The following RYR2 variants were observed in gnomAD, a reference collection of about 807,000 sequenced individuals.
RYR2 encodes the protein cardiac muscle ryanodine receptor-calcium release channel.
Under a neutral mutation model 601.1 loss-of-function variants are expected in RYR2, and 227 were observed. The ratio of observed to expected loss-of-function variants is 0.38; its 90% CI spans 0.34 to 0.42. The LOEUF (loss-of-function observed/expected upper bound fraction) is 0.42, where lower values mean the gene tolerates loss of function less well. Ranked by LOEUF, RYR2 falls within the 10% of genes least tolerant of loss-of-function variation. The pLI, the probability that RYR2 is intolerant of heterozygous loss-of-function variation, is 1.00. For synonymous variants in RYR2, 2,223 were observed against 2,175.1 expected, an observed-to-expected ratio of 1.02 and a Z score of -0.61; for missense variants, 4,646 against 6,156.5, an observed-to-expected ratio of 0.75 and a Z score of 8.21.
At chr1:237,231,398 C>T (rs575759679) in intron 1 of RYR2, among the ~76,000 whole-genome samples, 5 of 151,250 alleles carry the variant, frequency 3.3e-5, no homozygotes, top group South Asian at 2.1e-4. Context: ...TGGGCTTAAG[C>T]GATCCTCCTG....
chr1:237,505,342 A>G (rs1665107583), intron 22 of RYR2, among the ~76,000 whole-genome samples: 1 of 152,310 alleles, frequency 6.6e-6, no homozygotes, highest in East Asian at 1.9e-4. Context: ...GGTTGTTTAG[A>G]TATTCAAAGT....
At chr1:237,571,566 C>T (rs906141621) in intron 29 of RYR2, among the ~76,000 whole-genome samples, 1 of 152,078 alleles carries the variant, frequency 6.6e-6, no homozygotes, top group Non-Finnish European at 1.5e-5. Context: ...CCACCCGCCT[C>T]GGCCTCCCAA....
At chr1:237,354,238 G>A (rs766861907) in intron 3 of RYR2, among the ~76,000 whole-genome samples, 3 of 151,960 alleles carry the variant, frequency 2.0e-5, no homozygotes, top group Non-Finnish European at 4.4e-5. Context: ...TTGTAATATA[G>A]AACATTAAAG....
At chr1:237,419,419 G>A (rs1273004413) in intron 11 of RYR2, among the ~76,000 whole-genome samples, 1 of 152,098 alleles carries the variant, frequency 6.6e-6, no homozygotes, top group Non-Finnish European at 1.5e-5. Flanking sequence ...TCTGAATTAA[G>A]TAGTCTTGAT....
At chr1:237,206,937 A>T (rs1681877878) in intron 1 of RYR2, among the ~76,000 whole-genome samples, 1 of 152,126 alleles carries the variant, frequency 6.6e-6, no homozygotes. Context: ...TCCTATGAGA[A>T]CTGTCCTTTC....
chr1:237,748,415 A>G (rs1692261085), intron 80 of RYR2, among the ~76,000 whole-genome samples: 1 of 151,726 alleles, frequency 6.6e-6, no homozygotes, highest in African/African-American at 2.4e-5. Context: ...CAGTTCTTCC[A>G]GGCAACCCCT....
At chr1:237,088,357 T>C (rs1003174309) in intron 1 of RYR2, among the ~76,000 whole-genome samples, 2 of 152,220 alleles carry the variant, frequency 1.3e-5, no homozygotes, top group African/African-American at 4.8e-5. Flanking sequence ...ATGCAAGGGC[T>C]TGGCTACCTG....
intron 47 of RYR2, among the ~76,000 whole-genome samples, chr1:237,641,997 C>T (rs1166870865): frequency 1.3e-5 from 2 of 151,896 alleles, no homozygotes; most frequent in African/African-American, 2.4e-5. Context: ...AAAATCCTGG[C>T]CCAGGGCCCA....
At chr1:237,601,890 C>T in intron 34 of RYR2, 135 bp from the exon 35 acceptor site, 1 of 640,170 alleles carries the variant, frequency 1.6e-6, no homozygotes, top group East Asian at 2.8e-5. Flanking sequence ...CTTGAAGGAG[C>T]ACATCAATCG....
rs1573937954 is a variant in RYR2 at position 237,784,819 on chromosome 1, G to A, written c.13107G>A (p.Leu4369=). 1 of 1,613,688 alleles carries A rather than the reference G, an allele frequency of 6.2e-7. No individual in the cohort carries two copies. Among genetic ancestry groups the A allele is most frequent in the Middle Eastern group, 1.7e-4 (1 of 6,060 alleles). ...AGGATCTGACCGACTTAAAGGAGCT[G>A]ACAGAGGAAAGTGACCTTCTTTCGG... ...PSEDLTDLKE[L]TEESDLLSDI... Residue 4369 remains leucine, a synonymous_variant, in exon 90 of 105, where the codon CTG becomes CTA. Transcript: ENST00000366574. The surrounding 1 kb of genome is among the most constrained non-coding windows in gnomAD (Gnocchi z 7.1).
chr1:237,113,268 G>A (rs953711552), intron 1 of RYR2, among the ~76,000 whole-genome samples: 7 of 151,086 alleles, frequency 4.6e-5, no homozygotes, highest in African/African-American at 4.9e-5. Flanking sequence ...GCATGATCTC[G>A]GCTCACTGTA....
Position 237,791,524 on chromosome 1 carries a change from A to T in RYR2, c.13563+9A>T. 7.3e-7 allele frequency: 1 copy of T among 1,371,246 alleles called. No homozygotes were observed. The highest frequency in any genetic ancestry group is 1.0e-6 in the Non-Finnish European group (1 of 978,872). The allele number at this position is 1,371,246 out of a possible 1,614,324, so 84.9% of individuals were successfully genotyped here. On this transcript the variant is annotated intron_variant, in intron 93 of 104. Transcript: ENST00000366574. ...TCTTGCTCTTTTATAAGGTACGTAC[A>T]TCTCACTGTTTTAATTACTGGTATA...
At chr1:237,580,112 C>T (rs1673729153) in intron 29 of RYR2, among the ~76,000 whole-genome samples, 1 of 149,266 alleles carries the variant, frequency 6.7e-6, no homozygotes, top group African/African-American at 2.5e-5. Flanking sequence ...TCTCACTCTG[C>T]TTCTGCTTGG....
intron 6 of RYR2, among the ~76,000 whole-genome samples, chr1:237,373,907 G>A (rs1353314771): frequency 1.3e-5 from 2 of 152,176 alleles, no homozygotes; most frequent in Non-Finnish European, 2.9e-5. Flanking sequence ...TTGTTTGGGA[G>A]AAAGATTTCT....
intron 3 of RYR2, among the ~76,000 whole-genome samples, chr1:237,351,733 G>T (rs1210930068): frequency 6.6e-6 from 1 of 151,474 alleles, no homozygotes; most frequent in Non-Finnish European, 1.5e-5. Context: ...TGGCCTCACT[G>T]GTTAATTCCA....
chr1:237,707,337 A>C lies in RYR2; in HGVS notation c.9901+68A>C, dbSNP rs546148438. On this transcript the variant is annotated intron_variant, in intron 68 of 104. Transcript: ENST00000366574. ...ATTTCCAAAAGAATTTTAAATACAT[A>C]AACTAGAATTTTCCCATCACAATTT... is the stretch of plus-strand genomic sequence containing the variant. 1.5e-5 allele frequency: 12 copies of C among 799,802 alleles called. No homozygotes were observed. The South Asian group carries it at 3.4e-4, about 23-fold the overall frequency. 49.5% of individuals were successfully genotyped at this position (799,802 alleles called of 1,614,324 possible). A position where few individuals can be genotyped will look rare whatever the true frequency, so the allele number is the denominator to read the frequency against.
In RYR2 at chr1:237,614,613, C is replaced by T. The variant is rs876657991; in HGVS notation, c.5485C>T (p.Leu1829=). 9 of 1,613,878 alleles carry T rather than the reference C, an allele frequency of 5.6e-6. No homozygotes were observed. Among genetic ancestry groups the T allele is most frequent in the African/African-American group, 2.7e-5 (2 of 74,914 alleles). Residue 1829 remains leucine, a synonymous_variant, in exon 37 of 105, where the codon CTG becomes TTG. Coordinates refer to ENST00000366574, the MANE Select transcript of RYR2 (RefSeq NM_001035.3). The surrounding 1 kb of genome is among the most constrained non-coding windows in gnomAD (Gnocchi z 4.3). ...VPLIKLFYTL[L]IMGIFHNEDL... ...TCTCATCAAGCTTTTCTATACCCTG[C>T]TGATCATGGGCATCTTTCACAACGA...
intron 92 of RYR2, among the ~76,000 whole-genome samples, chr1:237,788,502 C>A (rs1657929182): frequency 1.3e-5 from 2 of 152,228 alleles, no homozygotes; most frequent in South Asian, 2.1e-4. Flanking sequence ...ACAAGTAATT[C>A]AAAAATGTTC....
At chr1:237,564,296 A>T (rs1387359132) in intron 27 of RYR2, among the ~76,000 whole-genome samples, 1 of 152,068 alleles carries the variant, frequency 6.6e-6, no homozygotes, top group Admixed American at 6.6e-5. Context: ...TTAAACACAG[A>T]GTCTTGCTCT....
Sources: allele counts gnomAD v4.1 joint callset (sites outside exome capture counted in the v4.1 genomes callset), GRCh38; gene constraint gnomAD v4.1.1; non-coding constraint Gnocchi (gnomAD v3.1); transcripts MANE v1.5; gene names NCBI Gene and HGNC (gene_info 2026-07-23, HGNC 2026-07-21).